Variants in LAMA2 observed in about 807,000 individuals in gnomAD.
LAMA2 encodes the protein laminin subunit alpha-2.
In LAMA2, 269 loss-of-function variants were observed where a neutral mutation model predicts 364.8. The ratio of observed to expected loss-of-function variants is 0.74; its 90% CI spans 0.67 to 0.82. LAMA2 has a LOEUF of 0.82. Among genes scored for constraint, LAMA2 ranks in the 40% least tolerant of loss-of-function variants. The probability of loss-of-function intolerance (pLI) is 0.00; values close to 1 mark genes in which losing one functional copy is unlikely to be tolerated. For synonymous variants in LAMA2, 1,379 were observed against 1,370.6 expected, an observed-to-expected ratio of 1.01 and a Z score of -0.14; for missense variants, 3,807 against 3,873.2, an observed-to-expected ratio of 0.98 and a Z score of 0.45.
chr6:129,209,945 A>G (rs1782976378), intron 12 of LAMA2, among the ~76,000 whole-genome samples: 2 of 144,714 alleles, frequency 1.4e-5, no homozygotes, highest in African/African-American at 5.3e-5. Context: ...TGGAGCTTGC[A>G]GTGAGCCGTG....
chr6:129,234,919 C>A (rs914170057), intron 12 of LAMA2, among the ~76,000 whole-genome samples: 2 of 151,942 alleles, frequency 1.3e-5, no homozygotes, highest in Non-Finnish European at 2.9e-5. Flanking sequence ...AAATTGAGGT[C>A]TATGTTTTTG....
chr6:129,186,135 A>C (rs1016561980), intron 10 of LAMA2, among the ~76,000 whole-genome samples: 1 of 151,782 alleles, frequency 6.6e-6, no homozygotes, highest in East Asian at 1.9e-4. Context: ...TTTTGTTTAG[A>C]TTAACAGTTA....
intron 1 of LAMA2, among the ~76,000 whole-genome samples, chr6:128,984,234 G>T (rs933497516): frequency 6.6e-6 from 1 of 152,006 alleles, no homozygotes; most frequent in African/African-American, 2.4e-5. Context: ...AATGATGCTG[G>T]TATAATTCAG....
chr6:128,889,375 T>G (rs1776319476), intron 1 of LAMA2, among the ~76,000 whole-genome samples: 1 of 152,198 alleles, frequency 6.6e-6, no homozygotes, highest in South Asian at 2.1e-4. Flanking sequence ...CTGTTTTACA[T>G]TCAGAAACTT....
At chr6:129,349,446 C>A in intron 31 of LAMA2, 62 bp downstream of exon 31, 2 of 1,243,204 alleles carry the variant, frequency 1.6e-6, no homozygotes, top group Non-Finnish European at 2.4e-6. Context: ...TAAAGGGTCA[C>A]AATAGGAAAA....
intron 1 of LAMA2, among the ~76,000 whole-genome samples, chr6:128,921,713 TA>T (rs1318376605): frequency 1.1e-4 from 16 of 144,824 alleles, no homozygotes; most frequent in African/African-American, 2.3e-4. Context: ...TTTTTTTTTT[TA>T]TTATTATTAT....
At position 128,910,510 on chromosome 6, in the gene LAMA2, G is replaced by A. The variant is rs1298172379; in HGVS notation, c.112+27153G>A. ...CATCAGCTCCTTTAAGCATTTCTCT[G>A]TATTGGTTATTCTAGTTATACATTC... On this transcript the variant is annotated intron_variant, in intron 1 of 64. Transcript: ENST00000421865. Among the ~76,000 whole-genome samples, 10 of 150,728 alleles carry A rather than the reference G, an allele frequency of 6.6e-5. No homozygotes were observed. The South Asian group carries it at 1.3e-3, about 19-fold the overall frequency.
chr6:129,158,870 G>A (rs1480656660), intron 8 of LAMA2: 2 of 1,612,966 alleles, frequency 1.2e-6, no homozygotes, highest in Non-Finnish European at 1.7e-6. Flanking sequence ...TTCTATGATG[G>A]CAAAGCAACG....
chr6:129,253,494 C>T (rs754609746), intron 14 of LAMA2, among the ~76,000 whole-genome samples: 12 of 152,200 alleles, frequency 7.9e-5, no homozygotes, highest in Non-Finnish European at 4.4e-5. Context: ...GAACCATTGC[C>T]AAACAATGTA....
At chr6:129,512,526 C>T (rs772946918) in intron 63 of LAMA2, 33 bp downstream of exon 63, 7 of 1,610,258 alleles carry the variant, frequency 4.3e-6, no homozygotes, top group South Asian at 1.1e-5. Flanking sequence ...TTTCTGATTT[C>T]TTCATGATAT....
intron 58 of LAMA2, among the ~76,000 whole-genome samples, chr6:129,500,725 G>A (rs1562625465): frequency 6.6e-6 from 1 of 152,132 alleles, no homozygotes. Context: ...AAAAACTGCT[G>A]CTTAGCTCAG....
At chr6:128,926,637 T>A (rs541801455) in intron 1 of LAMA2, among the ~76,000 whole-genome samples, 1 of 152,318 alleles carries the variant, frequency 6.6e-6, no homozygotes, top group East Asian at 1.9e-4. Context: ...TATGTCTTGG[T>A]TAATGGAAGA....
At chr6:129,021,121 G>A (rs944052854) in intron 1 of LAMA2, among the ~76,000 whole-genome samples, 1 of 151,982 alleles carries the variant, frequency 6.6e-6, no homozygotes, top group African/African-American at 2.4e-5. Context: ...TTTTCATTTT[G>A]ATGTTTAGTA....
intron 4 of LAMA2, among the ~76,000 whole-genome samples, chr6:129,107,922 C>T (rs1384074740): frequency 6.6e-6 from 1 of 152,156 alleles, no homozygotes; most frequent in African/African-American, 2.4e-5. Context: ...GTCCCCCCTC[C>T]TAGCAGTTCC....
At chr6:129,297,953 A>G in intron 21 of LAMA2, 88 bp downstream of exon 21, 1 of 1,061,802 alleles carries the variant, frequency 9.4e-7, no homozygotes, top group Non-Finnish European at 1.4e-6. Context: ...TAAAGGAAGC[A>G]CAGATTGATA....
At chr6:129,033,956 A>G (rs1786420424) in intron 1 of LAMA2, among the ~76,000 whole-genome samples, 1 of 151,838 alleles carries the variant, frequency 6.6e-6, no homozygotes, top group African/African-American at 2.4e-5. Context: ...TTGTTCTACA[A>G]GTGGAACATA....
At chr6:129,052,038 G>T (rs928488239) in intron 2 of LAMA2, among the ~76,000 whole-genome samples, 6 of 148,948 alleles carry the variant, frequency 4.0e-5, no homozygotes, top group African/African-American at 1.5e-4. Flanking sequence ...GAGAAAGGAG[G>T]TAATAACGTG....
intron 9 of LAMA2, among the ~76,000 whole-genome samples, chr6:129,174,488 T>TGC (rs1256944050): frequency 1.3e-5 from 2 of 151,020 alleles, no homozygotes; most frequent in African/African-American, 4.9e-5. Context: ...TTCGTAAGTG[T>TGC]GTGTGTGTGT....
intron 34 of LAMA2, among the ~76,000 whole-genome samples, chr6:129,377,819 G>T (rs1291607588): frequency 1.3e-5 from 2 of 152,162 alleles, no homozygotes; most frequent in Non-Finnish European, 2.9e-5. Flanking sequence ...ATTATGTGCA[G>T]ATTTTAAGAG....
Sources: allele counts gnomAD v4.1 joint callset (sites outside exome capture counted in the v4.1 genomes callset), GRCh38; gene constraint gnomAD v4.1.1; transcripts MANE v1.5; gene names NCBI Gene and HGNC (gene_info 2026-07-23, HGNC 2026-07-21).